LYAR: variants seen among roughly 807,000 people sequenced by gnomAD.
LYAR encodes Ly1 antibody reactive, also known as cell growth-regulating nucleolar protein.
LYAR carries 37 observed loss-of-function variants against 45.2 expected under a neutral mutation model. That is an observed-to-expected ratio of 0.82 (90% CI 0.63 to 1.08). The LOEUF is 1.08. LYAR is among the 50% of genes least tolerant of loss of function. The pLI is 0.00. For missense variants in LYAR, 493 were observed against 451.0 expected, an observed-to-expected ratio of 1.09 and a Z score of -0.84; for synonymous variants, 176 against 155.1, an observed-to-expected ratio of 1.14 and a Z score of -1.00.
intron 1 of LYAR, among the ~76,000 whole-genome samples, chr4:4,288,952 A>G (rs1379192931): frequency 6.6e-6 from 1 of 152,188 alleles, no homozygotes; most frequent in Non-Finnish European, 1.5e-5. Context: ...ATAAACTTCA[A>G]GTTATCTCAT....
intron 1 of LYAR, among the ~76,000 whole-genome samples, chr4:4,286,897 T>A (rs1016164113): frequency 7.9e-6 from 1 of 126,238 alleles, no homozygotes; most frequent in Non-Finnish European, 1.6e-5. Context: ...GTGATCCGCC[T>A]GCCTCGGCCT....
intron 4 of LYAR, among the ~76,000 whole-genome samples, chr4:4,280,772 C>A (rs1414965458): frequency 6.6e-6 from 1 of 152,186 alleles, no homozygotes; most frequent in Non-Finnish European, 1.5e-5. Flanking sequence ...CAGAAATACC[C>A]TCCCAGTAGT....
At chr4:4,281,564 C>G (rs1484456813) in intron 4 of LYAR, among the ~76,000 whole-genome samples, 1 of 152,212 alleles carries the variant, frequency 6.6e-6, no homozygotes, top group Non-Finnish European at 1.5e-5. Flanking sequence ...CGTGACTCGC[C>G]TGCCTTGGCC....
chr4:4,268,694 C>T, intron 8 of LYAR, 79 bp from the exon 9 acceptor site: 1 of 871,066 alleles, frequency 1.1e-6, no homozygotes, highest in Non-Finnish European at 1.8e-6. Context: ...TTCTGCAACA[C>T]CTATTTGCTT....
chr4:4,267,901 C>T lies in LYAR; in HGVS notation c.1128G>A (p.Lys376=), dbSNP rs1466861029. 2 of 1,610,514 alleles carry T rather than the reference C, an allele frequency of 1.2e-6. No individual in the cohort carries two copies. Among genetic ancestry groups the T allele is most frequent in the East Asian group, 2.2e-5 (1 of 44,772 alleles). The part of the protein sequence containing the change: ...PTFKLLKDKV[K]LVK ...AATACACAAATGTTCATTTCACAAG[C>T]TTGACTTTGTCCTTTAATAACTTAA... Residue 376 remains lysine (K), a synonymous_variant, in exon 10 of 10, where the codon AAG becomes AAA. Transcript: ENST00000343470.
chr4:4,268,793 C>T, intron 8 of LYAR, 178 bp from the exon 9 acceptor site: 1 of 538,896 alleles, frequency 1.9e-6, no homozygotes, highest in Non-Finnish European at 3.3e-6. Context: ...ACTCACTACC[C>T]TTCAAAGGAC....
intron 2 of LYAR, 108 bp from the exon 3 acceptor site, chr4:4,283,903 A>G (rs1719501820): frequency 3.6e-6 from 2 of 558,774 alleles, no homozygotes; most frequent in East Asian, 5.8e-5. Context: ...TAACAGAGTC[A>G]AAGTTGATTA....
Position 4,283,796 on chromosome 4 carries a change from C to T in LYAR, c.-53-1G>A, listed in dbSNP as rs1053709017. ...TCCAAGACAGGTTTTAAGTCTTGTC[C>T]TAAGGAAAAAAAGACAATTATAATT... On this transcript the variant is annotated splice_acceptor_variant, in intron 2 of 9. Transcript: ENST00000343470. LOFTEE classifies it low-confidence loss of function (5UTR_SPLICE). The T allele has an allele frequency of 5.6e-6, 8 of 1,420,780 alleles. No homozygotes were observed. Among genetic ancestry groups the T allele is most frequent in the Non-Finnish European group, 7.6e-6 (8 of 1,054,638 alleles). The allele number at this position is 1,420,780 out of a possible 1,614,324, so 88.0% of individuals were successfully genotyped here. A position where few individuals can be genotyped will look rare whatever the true frequency, so the allele number is the denominator to read the frequency against.
chr4:4,274,012 G>A (rs999048759), intron 7 of LYAR, among the ~76,000 whole-genome samples: 3 of 152,132 alleles, frequency 2.0e-5, no homozygotes, highest in East Asian at 3.9e-4. Flanking sequence ...CGAGGGGGGC[G>A]GATCACCAGA....
intron 6 of LYAR, among the ~76,000 whole-genome samples, chr4:4,275,304 C>T (rs1214235495): frequency 1.3e-5 from 2 of 152,218 alleles, no homozygotes; most frequent in East Asian, 3.8e-4. Context: ...ATTAGCATAA[C>T]ACATGCCCAA....
Position 4,283,682 on chromosome 4 carries a change from GCTTTT to G in LYAR, c.56_60del (p.Glu19AlafsTer9). On this transcript the variant is annotated frameshift_variant, in exon 3 of 10. Coordinates refer to ENST00000343470, the MANE Select transcript of LYAR (RefSeq NM_017816.3). LOFTEE classifies it high-confidence loss of function. ...TCACAGTTTCTGCAAACAGACACATGCTTTTCCACTTGTATTTTCTTCACTGATTC... is the reference window on the plus strand; with the variant it reads ...TCACAGTTTCTGCAAACAGACACATGCCACTTGTATTTTCTTCACTGATTC... The G allele has an allele frequency of 1.2e-6, 2 of 1,612,636 alleles. No individual in the cohort carries two copies. The highest frequency in any genetic ancestry group is 1.7e-6 in the Non-Finnish European group (2 of 1,179,556).
intron 2 of LYAR, 62 bp from the exon 3 acceptor site, chr4:4,283,857 T>A: frequency 1.4e-6 from 1 of 731,654 alleles, no homozygotes; most frequent in Non-Finnish European, 2.1e-6. Context: ...AAATGGCTCA[T>A]GCCCCTAACT....
At chr4:4,285,460 C>T (rs1291301216) in intron 2 of LYAR, among the ~76,000 whole-genome samples, 1 of 152,168 alleles carries the variant, frequency 6.6e-6, no homozygotes, top group African/African-American at 2.4e-5. Context: ...GCAACAAGAG[C>T]AGCTATCCTG....
Position 4,279,649 on chromosome 4 carries a change from T to G in LYAR, c.338A>C (p.Lys113Thr). 6.2e-7 allele frequency: 1 copy of G among 1,613,526 alleles called. No homozygotes were observed. Among genetic ancestry groups the G allele is most frequent in the Non-Finnish European group, 8.5e-7 (1 of 1,179,528 alleles). Reference sequence around the variant, plus strand: ...AAGAAAGTCAATTCATACCTGAAATTTTGCCTTTTTCCTGGGAACGTTGTC... The same window carrying G: ...AAGAAAGTCAATTCATACCTGAAATGTTGCCTTTTTCCTGGGAACGTTGTC... ...AFDNVPRKKA[K>T]FQNWMKNSLK... Residue 113 changes from lysine to threonine, a missense_variant, in exon 5 of 10, where the codon AAA (lysine) becomes ACA (threonine). Physicochemically the swap from Lys to Thr is moderately conservative, Grantham distance 78. Transcript: ENST00000343470.
rs574166154 is a variant in LYAR, at chr4:4,289,090, A to ATT, written c.-108+945_-108+946insAA. 2.2e-4 allele frequency among the ~76,000 whole-genome samples: 34 copies of ATT among 152,194 alleles called. No homozygotes were observed. The East Asian group carries it at 6.2e-3, about 28-fold the overall frequency. On this transcript the variant is annotated intron_variant, in intron 1 of 9. Coordinates refer to ENST00000343470, the MANE Select transcript of LYAR (RefSeq NM_017816.3). ...ATACTCTGTCCACCATCCTGCCTAA[A>ATT]CCTTTGTGTATGAGGCTGACAAGGG...
intron 3 of LYAR, among the ~76,000 whole-genome samples, chr4:4,282,110 C>T (rs1186002263): frequency 1.3e-5 from 2 of 152,212 alleles, no homozygotes; most frequent in African/African-American, 2.4e-5. Flanking sequence ...AAACCCATCA[C>T]CAAACTTTTC....
rs191540729 is a variant in LYAR, at chr4:4,276,434, T to C, written c.430-1665A>G. ...AAGAGCAGCATTAGAAAATGGATAC[T>C]GGGGAGGCTGAGGCAGGAGAATCAC... On this transcript the variant is annotated intron_variant, in intron 6 of 9. Transcript: ENST00000343470. Among the ~76,000 whole-genome samples, 258 of 150,960 alleles carry C rather than the reference T, an allele frequency of 1.7e-3. 1 individual carries two copies. The highest frequency in any genetic ancestry group is 6.2e-3 in the African/African-American group (254 of 40,850).
At chr4:4,273,695 AAAG>A (rs751496820) in intron 7 of LYAR, 26 bp from the exon 8 acceptor site, 2 of 1,496,020 alleles carry the variant, frequency 1.3e-6, no homozygotes, top group Non-Finnish European at 1.9e-6. Context: ...GATTTTTTTT[AAAG>A]AAGATTTTGC....
chr4:4,274,629 T>C lies in LYAR; in HGVS notation c.570A>G (p.Glu190=). The change falls in exon 7 of 10, where the codon GAA becomes GAG. Residue 190 remains glutamate, a synonymous_variant. Transcript: ENST00000343470. ...QQGEVKKNKR[E]RKEERQKKRK... is the part of the protein sequence containing the mutation. Reference sequence around the variant, plus strand: ...TTTTCTTCTGCCGTTCTTCCTTTCTTTCTCTTTTATTCTTCTTCACCTCCC... The same window carrying C: ...TTTTCTTCTGCCGTTCTTCCTTTCTCTCTCTTTTATTCTTCTTCACCTCCC... 1 of 1,614,134 alleles carries C rather than the reference T, an allele frequency of 6.2e-7. No individual in the cohort carries two copies. Among genetic ancestry groups the C allele is most frequent in the Non-Finnish European group, 8.5e-7 (1 of 1,180,034 alleles).
Sources: gnomAD v4.1 joint callset for allele counts (sites outside exome capture counted in the v4.1 genomes callset) on GRCh38, gnomAD v4.1.1 for gene constraint, MANE v1.5 for transcripts, NCBI Gene and HGNC (gene_info 2026-07-23, HGNC 2026-07-21) for gene names.